Variants in PTPN13 observed in about 807,000 individuals in gnomAD.
PTPN13 encodes tyrosine-protein phosphatase non-receptor type 13.
A neutral mutation model predicts 284.0 loss-of-function variants in PTPN13; 191 were observed. That is an observed-to-expected ratio of 0.67 (90% CI 0.60 to 0.76). The LOEUF (loss-of-function observed/expected upper bound fraction) is 0.76, where lower values mean the gene tolerates loss of function less well. Among genes scored for constraint, PTPN13 ranks in the 30% least tolerant of loss-of-function variants. The pLI is 0.00. For synonymous variants in PTPN13, 986 were observed against 1,022.3 expected, an observed-to-expected ratio of 0.96 and a Z score of 0.68; for missense variants, 2,797 against 2,939.9, an observed-to-expected ratio of 0.95 and a Z score of 1.12.
chr4:86,633,251 C>A (rs984221783), intron 1 of PTPN13, among the ~76,000 whole-genome samples: 2 of 152,256 alleles, frequency 1.3e-5, no homozygotes, highest in South Asian at 4.1e-4. Context: ...CTTCCTTGCC[C>A]CTCTCTTACC....
At chr4:86,796,818 A>C (rs1325163738) in intron 40 of PTPN13, 56 bp from the exon 41 acceptor site, 7 of 1,110,574 alleles carry the variant, frequency 6.3e-6, no homozygotes, top group Non-Finnish European at 2.6e-6. Flanking sequence ...AAAAAATAGT[A>C]TGCGATTTTT....
chr4:86,644,400 A>T (rs1724176479), intron 2 of PTPN13, among the ~76,000 whole-genome samples: 1 of 152,176 alleles, frequency 6.6e-6, no homozygotes, highest in South Asian at 2.1e-4. Context: ...TCAGCCTCGC[A>T]AAGTGTTAGG....
intron 1 of PTPN13, among the ~76,000 whole-genome samples, chr4:86,613,018 C>T (rs1720100030): frequency 6.6e-6 from 1 of 152,002 alleles, no homozygotes; most frequent in African/African-American, 2.4e-5. Context: ...TGGATTTACA[C>T]AACAAAATGA....
chr4:86,778,488 A>G (rs561344270), intron 35 of PTPN13, among the ~76,000 whole-genome samples: 1 of 150,546 alleles, frequency 6.6e-6, no homozygotes, highest in African/African-American at 2.4e-5. Flanking sequence ...GCCTGGTATC[A>G]CATCACACAA....
chr4:86,775,859 G>A (rs893347876), intron 35 of PTPN13, among the ~76,000 whole-genome samples: 4 of 152,174 alleles, frequency 2.6e-5, no homozygotes, highest in Non-Finnish European at 4.4e-5. Flanking sequence ...TTATCAGTTA[G>A]GATGTTTTCA....
At chr4:86,656,039 A>G (rs1218349239) in intron 2 of PTPN13, among the ~76,000 whole-genome samples, 1 of 152,194 alleles carries the variant, frequency 6.6e-6, no homozygotes, top group Non-Finnish European at 1.5e-5. Flanking sequence ...CTAATCGGCT[A>G]CTGAAGCTTG....
At chr4:86,634,018 T>C (rs1478927551) in intron 1 of PTPN13, among the ~76,000 whole-genome samples, 1 of 152,182 alleles carries the variant, frequency 6.6e-6, no homozygotes, top group Non-Finnish European at 1.5e-5. Context: ...TAAAATGTTT[T>C]AGTAAACATT....
chr4:86,708,238 C>T (rs1194224582), intron 7 of PTPN13, among the ~76,000 whole-genome samples: 1 of 152,060 alleles, frequency 6.6e-6, no homozygotes, highest in Non-Finnish European at 1.5e-5. Context: ...AGACTATTCC[C>T]ATATGATATT....
intron 2 of PTPN13, among the ~76,000 whole-genome samples, chr4:86,636,747 C>T (rs1456569135): frequency 6.6e-6 from 1 of 151,872 alleles, no homozygotes; most frequent in Non-Finnish European, 1.5e-5. Context: ...AATTGACACC[C>T]TAACATCACA....
At chr4:86,810,941 A>G in intron 46 of PTPN13, 105 bp from the exon 47 acceptor site, 1 of 1,029,218 alleles carries the variant, frequency 9.7e-7, no homozygotes, top group Non-Finnish European at 1.4e-6. Flanking sequence ...GAAGGGGAAG[A>G]AGAGTGGGAT....
chr4:86,787,103 CAAAAAA>C (rs574178007), intron 40 of PTPN13, among the ~76,000 whole-genome samples: 3 of 127,416 alleles, frequency 2.4e-5, no homozygotes, highest in South Asian at 5.0e-4. Flanking sequence ...GACTCAGTCT[CAAAAAA>C]AAAAAAGTCA....
chr4:86,804,171 T>C (rs910351226), intron 43 of PTPN13, among the ~76,000 whole-genome samples: 2 of 151,958 alleles, frequency 1.3e-5, no homozygotes, highest in South Asian at 4.2e-4. Flanking sequence ...CACTAAACTT[T>C]ATAATTAGTG....
chr4:86,744,827 A>T (rs1416061188), intron 16 of PTPN13, 139 bp from the exon 17 acceptor site: 1 of 702,920 alleles, frequency 1.4e-6, no homozygotes, highest in Non-Finnish European at 2.3e-6. Context: ...TTCTTGGAAC[A>T]TGTCTTTATT....
chr4:86,789,545 A>C (rs1240841180), intron 40 of PTPN13, among the ~76,000 whole-genome samples: 13 of 152,216 alleles, frequency 8.5e-5, no homozygotes, highest in Admixed American at 7.9e-4. Flanking sequence ...GACTCTTGGC[A>C]CTACAAATTA....
rs759784072 is a variant in PTPN13, at chr4:86,705,333, C to CAAAAAA, written c.1195+3542_1195+3547dup. On this transcript the variant is annotated intron_variant, in intron 7 of 47. Transcript: ENST00000411767. ...TGGGTGACAGAGCAAGACTCCGTCT[C>CAAAAAA]AAAAAAAAAAAAAAAGACATGCGCA... Among the ~76,000 whole-genome samples, 490 of 95,330 alleles carry CAAAAAA rather than the reference C, an allele frequency of 5.1e-3. 24 individuals carry two copies. Among genetic ancestry groups the CAAAAAA allele is most frequent in the African/African-American group, 0.017 (421 of 25,062 alleles). 62.5% of individuals were successfully genotyped at this position (95,330 alleles called of 152,430 possible).
chr4:86,626,818 G>T (rs1721891469), intron 1 of PTPN13, among the ~76,000 whole-genome samples: 1 of 152,064 alleles, frequency 6.6e-6, no homozygotes, highest in African/African-American at 2.4e-5. Context: ...TGCACAGAGG[G>T]TCAGTTCCCC....
chr4:86,720,252 C>A (rs1421143142), intron 9 of PTPN13, among the ~76,000 whole-genome samples: 1 of 151,984 alleles, frequency 6.6e-6, no homozygotes, highest in Admixed American at 6.5e-5. Context: ...ATTTTGGGAG[C>A]CTTATGTTAA....
At chr4:86,640,772 C>G (rs752387942) in intron 2 of PTPN13, among the ~76,000 whole-genome samples, 5 of 152,112 alleles carry the variant, frequency 3.3e-5, no homozygotes, top group African/African-American at 4.8e-5. Context: ...AAGGTGTTGT[C>G]ACTGAGAGGC....
intron 2 of PTPN13, among the ~76,000 whole-genome samples, chr4:86,659,592 G>A (rs150560053): frequency 2.4e-3 from 360 of 152,278 alleles, no homozygotes; most frequent in South Asian, 7.3e-3. Context: ...AAGGTGGACG[G>A]ATCACTTGAT....
Sources: allele counts gnomAD v4.1 joint callset (sites outside exome capture counted in the v4.1 genomes callset), GRCh38; gene constraint gnomAD v4.1.1; transcripts MANE v1.5; gene names NCBI Gene and HGNC (gene_info 2026-07-23, HGNC 2026-07-21).